The following TYW1 variants were observed in gnomAD, a reference collection of about 807,000 sequenced individuals.
The protein encoded by TYW1 is tRNA-yW synthesizing protein 1 homolog.
In TYW1, 46 loss-of-function variants were observed where a neutral mutation model predicts 96.2. The observed-to-expected ratio is 0.48, with a 90% confidence interval of 0.38 to 0.61. The LOEUF (loss-of-function observed/expected upper bound fraction) is 0.61. Ranked by LOEUF, TYW1 falls within the 20% of genes least tolerant of loss-of-function variation. The pLI, the probability that TYW1 is intolerant of heterozygous loss-of-function variation, is 0.00. For missense variants in TYW1, 684 were observed against 909.6 expected, an observed-to-expected ratio of 0.75 and a Z score of 3.19; for synonymous variants, 274 against 323.0, an observed-to-expected ratio of 0.85 and a Z score of 1.63.
intron 15 of TYW1, among the ~76,000 whole-genome samples, chr7:67,207,019 C>A (rs895707516): frequency 4.6e-5 from 7 of 152,172 alleles, no homozygotes; most frequent in African/African-American, 1.4e-4. Context: ...TTTATTTGCT[C>A]AAGGTATTTC....
intron 10 of TYW1, among the ~76,000 whole-genome samples, chr7:67,069,574 A>G (rs1795970489): frequency 6.6e-6 from 1 of 152,114 alleles, no homozygotes. Context: ...CCTTGTCTCT[A>G]CGAAACTTGC....
At chr7:67,033,435 C>T (rs1172917679) in intron 7 of TYW1, among the ~76,000 whole-genome samples, 1 of 152,174 alleles carries the variant, frequency 6.6e-6, no homozygotes, top group Non-Finnish European at 1.5e-5. Flanking sequence ...CCGTTTGCTT[C>T]TGAATTTCCT....
chr7:67,029,437 A>ACACATATATATATATATATGTGTGT (rs746024597), intron 7 of TYW1, among the ~76,000 whole-genome samples: 2 of 146,556 alleles, frequency 1.4e-5, no homozygotes, highest in East Asian at 2.0e-4. Context: ...ATATATAAAT[A>ACACATATATATATATATATGTGTGT]GTATTTTCTA....
chr7:67,075,495 C>T (rs191345478), intron 10 of TYW1, among the ~76,000 whole-genome samples: 11 of 152,312 alleles, frequency 7.2e-5, no homozygotes, highest in Admixed American at 4.6e-4. Context: ...TGTCCATTAA[C>T]TGATGAACAT....
chr7:67,198,474 C>G (rs753682118), intron 15 of TYW1, among the ~76,000 whole-genome samples: 1 of 151,782 alleles, frequency 6.6e-6, no homozygotes, highest in South Asian at 2.1e-4. Context: ...TCTCTTGAAC[C>G]CGGGAGGTGG....
intron 13 of TYW1, among the ~76,000 whole-genome samples, chr7:67,143,668 G>A (rs1335448479): frequency 1.3e-5 from 2 of 152,178 alleles, no homozygotes; most frequent in African/African-American, 2.4e-5. Flanking sequence ...GGATAAGCTG[G>A]GGTGTTGAGA....
In TYW1 at chr7:67,237,600, A is replaced by G. The variant is rs553724653; in HGVS notation, c.1978-708A>G. 7.1e-4 allele frequency among the ~76,000 whole-genome samples: 99 copies of G among 140,240 alleles called. 1 individual carries two copies. Among genetic ancestry groups the G allele is most frequent in the Middle Eastern group, 7.5e-3 (2 of 268 alleles). 92.0% of individuals were successfully genotyped at this position (140,240 alleles called of 152,430 possible). ...AATACATTTACAGAAATGAATGCCA[A>G]ACAATAGCTTTGAATTAAAAGCCTT... On this transcript the variant is annotated intron_variant, in intron 15 of 15. Coordinates refer to ENST00000359626, the MANE Select transcript of TYW1 (RefSeq NM_018264.4).
At chr7:67,231,831 T>C (rs115749733) in intron 15 of TYW1, among the ~76,000 whole-genome samples, 38,126 of 148,056 alleles carry the variant, frequency 0.26, 5,300 homozygotes, top group African/African-American at 0.35. Flanking sequence ...ATTATTTCAA[T>C]GAATATATCC....
chr7:67,099,066 C>T (rs1037825231), intron 12 of TYW1, among the ~76,000 whole-genome samples: 17 of 151,204 alleles, frequency 1.1e-4, no homozygotes, highest in African/African-American at 4.1e-4. Context: ...CACTCTGTCT[C>T]CCCGGCTTGA....
chr7:67,212,671 GT>G (rs58974881), intron 15 of TYW1, among the ~76,000 whole-genome samples: 82,006 of 150,454 alleles, frequency 0.55, 22,278 homozygotes, highest in Middle Eastern at 0.6. Flanking sequence ...CGGTTTTTTT[GT>G]TTTTTTTTGT....
chr7:67,067,806 T>C (rs1297149749), intron 10 of TYW1, among the ~76,000 whole-genome samples: 1 of 152,162 alleles, frequency 6.6e-6, no homozygotes, highest in African/African-American at 2.4e-5. Context: ...AGGTGTCAGC[T>C]TGGGTGTCTT....
rs34425518 is a variant in TYW1 at position 67,190,779 on chromosome 7, GA to G, written c.1810-4385del. Among the ~76,000 whole-genome samples, 10 of 152,044 alleles carry G rather than the reference GA, an allele frequency of 6.6e-5. 1 individual carries two copies. The East Asian group carries it at 1.9e-3, about 29-fold the overall frequency. On this transcript the variant is annotated intron_variant, in intron 14 of 15. Transcript: ENST00000359626. The stretch of plus-strand genomic sequence containing the variant: ...TGAAGTATTTGGGGTATATTATGGG[GA>G]AAAAATGTCATAACGTCATTATTTA...
intron 7 of TYW1, among the ~76,000 whole-genome samples, chr7:67,032,513 C>T (rs1343374971): frequency 2.0e-5 from 3 of 152,040 alleles, no homozygotes; most frequent in South Asian, 2.1e-4. Flanking sequence ...CTCAGCTACT[C>T]GGGAGGCTGA....
intron 9 of TYW1, among the ~76,000 whole-genome samples, chr7:67,059,431 G>T (rs907400680): frequency 6.6e-6 from 1 of 151,518 alleles, no homozygotes; most frequent in African/African-American, 2.4e-5. Context: ...AGGAAAAATT[G>T]AGGAGGATTA....
chr7:67,211,150 T>TTGTGTGTGTGTGTGTGTG (rs61112149), intron 15 of TYW1, among the ~76,000 whole-genome samples: 293 of 125,466 alleles, frequency 2.3e-3, no homozygotes, highest in South Asian at 6.6e-3. Flanking sequence ...CCCATCAACA[T>TTGTGTGTGTGTGTGTGTG]TGTGTGTGTG....
intron 7 of TYW1, among the ~76,000 whole-genome samples, chr7:67,032,899 T>G (rs1464774498): frequency 6.2e-5 from 8 of 128,864 alleles, no homozygotes; most frequent in Non-Finnish European, 1.1e-4. Flanking sequence ...TTTTTTTTTT[T>G]TTTTTTTTTT....
intron 15 of TYW1, among the ~76,000 whole-genome samples, chr7:67,222,070 G>A (rs1284957368): frequency 6.6e-5 from 10 of 151,922 alleles, no homozygotes; most frequent in Middle Eastern, 3.2e-3. Context: ...TGTGGTGGGC[G>A]CCTGTAATCC....
Position 67,094,473 on chromosome 7 carries a change from T to C in TYW1, c.1385-4068T>C, listed in dbSNP as rs3107595. Reference sequence around the variant, plus strand: ...ATCCCCACCAACAGTGTGTAATCCATGCCAATTCTGTTGTTTTGCTTTAAT... The same window carrying C: ...ATCCCCACCAACAGTGTGTAATCCACGCCAATTCTGTTGTTTTGCTTTAAT... On this transcript the variant is annotated intron_variant, in intron 11 of 15. Transcript: ENST00000359626. Among the ~76,000 whole-genome samples, 1,212 of 152,352 alleles carry C rather than the reference T, an allele frequency of 8.0e-3. 13 individuals are homozygous for C. Among genetic ancestry groups the C allele is most frequent in the African/African-American group, 0.027 (1,125 of 41,586 alleles).
chr7:67,086,656 C>T (rs557520452), intron 11 of TYW1, among the ~76,000 whole-genome samples: 169 of 152,274 alleles, frequency 1.1e-3, no homozygotes, highest in Non-Finnish European at 2.1e-3. Context: ...TTGCTTGGAA[C>T]AGGTCAATCT....
Sources: allele counts gnomAD v4.1 joint callset (sites outside exome capture counted in the v4.1 genomes callset), GRCh38; gene constraint gnomAD v4.1.1; transcripts MANE v1.5; gene names NCBI Gene and HGNC (gene_info 2026-07-23, HGNC 2026-07-21).